ADAM33: variants seen among roughly 807,000 people sequenced by gnomAD.
The protein encoded by ADAM33 is ADAM metallopeptidase domain 33.
ADAM33 carries 103 observed loss-of-function variants against 106.2 expected under a neutral mutation model. The observed-to-expected ratio is 0.97, with a 90% confidence interval of 0.83 to 1.14. The LOEUF (loss-of-function observed/expected upper bound fraction) is 1.14. Among genes scored for constraint, ADAM33 ranks in the 50% most tolerant of loss-of-function variants. ADAM33 has a pLI of 0.00. For synonymous variants in ADAM33, 483 were observed against 453.0 expected (o/e 1.07, Z -0.84); for missense variants, 1,120 against 1,096.6 (o/e 1.02, Z -0.30).
In ADAM33 at chr20:3,681,879, C is replaced by T. The variant is rs776994521; in HGVS notation, c.97+29G>A. ...CACCACCACCGCGCCTAGCCTGCCC[C>T]TCAGGGCGCACCCCGCCCGCGTCCT... On this transcript the variant is annotated intron_variant, in intron 1 of 21. Coordinates refer to ENST00000356518, the MANE Select transcript of ADAM33 (RefSeq NM_025220.5). 4.0e-5 allele frequency: 64 copies of T among 1,594,858 alleles called. No individual in the cohort carries two copies. The East Asian group carries it at 1.5e-3, about 37-fold the overall frequency.
At position 3,668,758 on chromosome 20, in the gene ADAM33, T is replaced by G; in HGVS notation, c.*205A>C. On this transcript the variant is annotated 3_prime_UTR_variant, in exon 22 of 22. Coordinates refer to ENST00000356518, the MANE Select transcript of ADAM33 (RefSeq NM_025220.5). ...TTGAGCTGGAGAGTGTGCCCAGCAG[T>G]GTTCTCCAGCCCTCAGGAACTTCTA... The G allele has an allele frequency of 1.6e-6, 1 of 629,178 alleles. No homozygotes were observed. 39.0% of individuals were successfully genotyped at this position (629,178 alleles called of 1,614,324 possible).
At position 3,672,236 on chromosome 20, in the gene ADAM33, C is replaced by A. The variant is rs1343089636; in HGVS notation, c.1495G>T (p.Val499Phe). The change falls in exon 14 of 22, where the codon GTT becomes TTT. Residue 499 changes from valine (V) to phenylalanine (F), a missense_variant. Coordinates refer to ENST00000356518, the MANE Select transcript of ADAM33 (RefSeq NM_025220.5). The part of the protein sequence containing the change: ...TGTSSHCPPD[V>F]YLLDGSPCAR... ...CAGGGTGAGCCGTCCAGTAGGTAAA[C>A]GTCTGGGGGACAGTGGGAGGAGGTG... is the stretch of plus-strand genomic sequence containing the variant. 1.2e-6 allele frequency: 2 copies of A among 1,613,454 alleles called. No individual in the cohort carries two copies. The highest frequency in any genetic ancestry group is 1.1e-5 in the South Asian group (1 of 91,090).
chr20:3,681,492 G>A (rs1283978691), intron 1 of ADAM33, among the ~76,000 whole-genome samples: 1 of 152,192 alleles, frequency 6.6e-6, no homozygotes, highest in Non-Finnish European at 1.5e-5. Context: ...GCTTCCTAGA[G>A]GACGGAGCCC....
chr20:3,681,606 T>TGGGCTGG (rs111265654), intron 1 of ADAM33, among the ~76,000 whole-genome samples: 65,180 of 150,844 alleles, frequency 0.43, 14,228 homozygotes, highest in Admixed American at 0.54. Flanking sequence ...GCTACGGCTA[T>TGGGCTGG]GGGCTGGGGG....
Position 3,674,288 on chromosome 20 carries a change from C to T in ADAM33, c.601-4G>A, listed in dbSNP as rs769021215. 3 of 1,613,814 alleles carry T rather than the reference C, an allele frequency of 1.9e-6. No homozygotes were observed. Among genetic ancestry groups the T allele is most frequent in the Non-Finnish European group, 1.7e-6 (2 of 1,180,016 alleles). Reference sequence around the variant, plus strand: ...TCCTGCGCGCTTCTCGCCTGCCCTGCGGAGGTGCAAATGGGGACCCTGAGT... The same window carrying T: ...TCCTGCGCGCTTCTCGCCTGCCCTGTGGAGGTGCAAATGGGGACCCTGAGT... On this transcript the variant is annotated splice_polypyrimidine_tract_variant and splice_region_variant and intron_variant, in intron 6 of 21. Transcript: ENST00000356518.
chr20:3,676,393 C>A (rs540178569), intron 3 of ADAM33, among the ~76,000 whole-genome samples: 2 of 152,100 alleles, frequency 1.3e-5, no homozygotes, highest in Non-Finnish European at 2.9e-5. Flanking sequence ...GTAGCCACTG[C>A]ATCTTTTTCT....
intron 2 of ADAM33, among the ~76,000 whole-genome samples, chr20:3,678,992 G>GCC (rs200151410): frequency 6.6e-6 from 1 of 151,976 alleles, no homozygotes; most frequent in East Asian, 1.9e-4. Flanking sequence ...AGTGACCACT[G>GCC]CCCCCCCGAT....
rs621394 is a variant in ADAM33 at position 3,675,322 on chromosome 20, G to T, written c.255-217C>A. ...CTTGGTGATGGCTTAGTTGTGGGAG[G>T]TGTGAATATGGGAAGCACCAGGGAG... On this transcript the variant is annotated intron_variant, in intron 3 of 21. Coordinates refer to ENST00000356518, the MANE Select transcript of ADAM33 (RefSeq NM_025220.5). This position sits in a 1 kb window ranked among gnomAD's most constrained non-coding sequence, Gnocchi z 4.1. Among the ~76,000 whole-genome samples, 4 of 152,290 alleles carry T rather than the reference G, an allele frequency of 2.6e-5. No homozygotes were observed. The highest frequency in any genetic ancestry group is 9.6e-5 in the African/African-American group (4 of 41,544).
chr20:3,677,255 G>T, intron 2 of ADAM33, 112 bp from the exon 3 acceptor site: 2 of 890,352 alleles, frequency 2.2e-6, no homozygotes, highest in Non-Finnish European at 3.3e-6. Context: ...GAGAACGTGG[G>T]CTGGGGAGTC....
chr20:3,673,277 GA>G, intron 11 of ADAM33, 76 bp downstream of exon 11: 3 of 1,534,330 alleles, frequency 2.0e-6, no homozygotes, highest in Non-Finnish European at 2.6e-6. Context: ...GAAACTGAGG[GA>G]CGACCAAAGA....
At position 3,674,547 on chromosome 20, in the gene ADAM33, T is replaced by G. The variant is rs1450128968; in HGVS notation, c.557A>C (p.Asn186Thr). The G allele has an allele frequency of 1.9e-6, 3 of 1,613,502 alleles. No homozygotes were observed. In the African/African-American group the frequency reaches 4.0e-5, roughly 22 times the overall value. ...KGTCGHRDPGNKAGMTSLPGG... is the reference protein window; with the variant it reads ...KGTCGHRDPGTKAGMTSLPGG... Reference sequence around the variant, plus strand: ...AGGAAGGCTGGTCATGCCCGCTTTGTTCCCAGGATCCCTGTGGCCACAGGT... The same window carrying G: ...AGGAAGGCTGGTCATGCCCGCTTTGGTCCCAGGATCCCTGTGGCCACAGGT... Residue 186 changes from asparagine (N) to threonine (T), a missense_variant, in exon 6 of 22, where the codon AAC becomes ACC. Physicochemically the swap from Asn to Thr is moderately conservative, Grantham distance 65 (BLOSUM62 0). Coordinates refer to ENST00000356518, the MANE Select transcript of ADAM33 (RefSeq NM_025220.5).
chr20:3,675,357 G>A lies in ADAM33; in HGVS notation c.255-252C>T, dbSNP rs553152060. ...GGGAAGCACCAGGGAGGACGCCGGG[G>A]AGGAGTGGGAATAGGGGAAGAGTTT... is the stretch of plus-strand genomic sequence containing the variant. On this transcript the variant is annotated intron_variant, in intron 3 of 21. Transcript: ENST00000356518. This position sits in a 1 kb window ranked among gnomAD's most constrained non-coding sequence, Gnocchi z 4.1. 7.9e-5 allele frequency among the ~76,000 whole-genome samples: 12 copies of A among 152,288 alleles called. No homozygotes were observed. The highest frequency in any genetic ancestry group is 4.4e-5 in the Non-Finnish European group (3 of 68,022).
rs2087344933 is a variant in ADAM33 at position 3,668,824 on chromosome 20, A to T, written c.*139T>A. The T allele has an allele frequency of 1.9e-6, 2 of 1,065,134 alleles. No individual in the cohort carries two copies. The highest frequency in any genetic ancestry group is 2.9e-6 in the Non-Finnish European group (2 of 696,378). The allele number at this position is 1,065,134 out of a possible 1,614,324, so 66.0% of individuals were successfully genotyped here. On this transcript the variant is annotated 3_prime_UTR_variant, in exon 22 of 22. Transcript: ENST00000356518. ...CCTGGAGTGGGTGGGTCGAAGCTCC[A>T]CTCGGGGAAGAAACTTCCAAGCTGC...
intron 8 of ADAM33, 73 bp downstream of exon 8, chr20:3,673,991 C>T: frequency 6.2e-7 from 1 of 1,608,566 alleles, no homozygotes; most frequent in East Asian, 2.2e-5. Context: ...CTTCCTCTTC[C>T]CCAAACCCCA....
In ADAM33 at chr20:3,672,892, C is replaced by T. The variant is rs756389444; in HGVS notation, c.1140G>A (p.Pro380=). 1.9e-6 allele frequency: 3 copies of T among 1,568,458 alleles called. No homozygotes were observed. Among genetic ancestry groups the T allele is most frequent in the South Asian group, 1.1e-5 (1 of 87,396 alleles). ...TGCAGGCGCTGAACACGCGCGGAAA[C>T]GGGTGCCTACCGGCACGGGGAGGGC... ...GCVMAAATGH[P]FPRVFSACSR... The change falls in exon 12 of 22, where the codon CCG becomes CCA. Residue 380 remains proline, a synonymous_variant. Transcript: ENST00000356518.
At position 3,674,865 on chromosome 20, in the gene ADAM33, C is replaced by T. The variant is rs953860810; in HGVS notation, c.334-16G>A. 3.1e-6 allele frequency: 5 copies of T among 1,608,568 alleles called. No individual in the cohort carries two copies. Among genetic ancestry groups the T allele is most frequent in the Non-Finnish European group, 4.2e-6 (5 of 1,176,904 alleles). ...GGCAATGATCCTAGGGAGGAAGGGG[C>T]CAGCCCCAAATCTCAGCCAGGGCTG... On this transcript the variant is annotated splice_polypyrimidine_tract_variant and intron_variant, in intron 4 of 21. Transcript: ENST00000356518.
rs538914874 is a variant in ADAM33, at chr20:3,673,403, C to A, written c.1084G>T (p.Val362Leu). ...GLSHDPDGCC[V>L]EAAAESGGCV... ...CCTCCGGACTCGGCCGCAGCCTCCA[C>A]GCAGCAGCCGTCGGGGTCGTGGCTG... The change falls in exon 11 of 22, where the codon GTG (valine) becomes TTG (leucine). Residue 362 changes from valine (V) to leucine (L), a missense_variant. Transcript: ENST00000356518. 144 of 1,554,276 alleles carry A rather than the reference C, an allele frequency of 9.3e-5. No individual in the cohort carries two copies. The East Asian group carries it at 3.3e-3, about 35-fold the overall frequency.
At chr20:3,669,148 C>G (rs1443630178) in intron 21 of ADAM33, 148 bp from the exon 22 acceptor site, 1 of 1,213,704 alleles carries the variant, frequency 8.2e-7, no homozygotes, top group African/African-American at 1.5e-5. Flanking sequence ...CTTCCAGCAT[C>G]CTGGTCTGCA....
At chr20:3,674,481 C>CCCAT (rs1260045768) in intron 6 of ADAM33, 23 bp downstream of exon 6, 2 of 1,610,710 alleles carry the variant, frequency 1.2e-6, no homozygotes, top group Non-Finnish European at 1.7e-6. Context: ...CATTCCCACT[C>CCCAT]CCATCCGATC....
Sources: allele counts gnomAD v4.1 joint callset (sites outside exome capture counted in the v4.1 genomes callset), GRCh38; gene constraint gnomAD v4.1.1; non-coding constraint Gnocchi (gnomAD v3.1); transcripts MANE v1.5; gene names NCBI Gene and HGNC (gene_info 2026-07-23, HGNC 2026-07-21).